Variants in SEC14L2 observed in about 807,000 individuals in gnomAD.
SEC14L2 encodes SEC14 like lipid binding 2.
SEC14L2 carries 50 observed loss-of-function variants against 56.9 expected under a neutral mutation model. The ratio of observed to expected loss-of-function variants is 0.88; its 90% CI spans 0.70 to 1.11. The LOEUF (loss-of-function observed/expected upper bound fraction) is 1.11. SEC14L2 is among the 50% of genes most tolerant of loss of function. The pLI is 0.00. For missense variants in SEC14L2, 414 were observed against 500.7 expected (o/e 0.83, Z 1.65); for synonymous variants, 179 against 188.5 (o/e 0.95, Z 0.41).
chr22:30,417,864 C>T (rs1934426978), intron 11 of SEC14L2, among the ~76,000 whole-genome samples: 4 of 151,952 alleles, frequency 2.6e-5, no homozygotes, highest in Non-Finnish European at 1.5e-5. Flanking sequence ...TCCTCACATC[C>T]CAGGCACCCT....
chr22:30,406,789 A>G (rs927653839), intron 3 of SEC14L2, among the ~76,000 whole-genome samples: 2 of 151,998 alleles, frequency 1.3e-5, no homozygotes, highest in African/African-American at 4.8e-5. Flanking sequence ...TCGCTCTGTC[A>G]CCCAGGCTGG....
chr22:30,401,940 G>C (rs952210656), intron 2 of SEC14L2, among the ~76,000 whole-genome samples: 3 of 152,038 alleles, frequency 2.0e-5, no homozygotes, highest in African/African-American at 7.2e-5. Context: ...CACACCCTAG[G>C]AGTCTTGGGG....
rs767791396 is a variant in SEC14L2 at position 30,416,360 on chromosome 22, G to T, written c.1038G>T (p.Leu346=). 1 of 1,614,206 alleles carries T rather than the reference G, an allele frequency of 6.2e-7. No individual in the cohort carries two copies. The highest frequency in any genetic ancestry group is 1.1e-5 in the South Asian group (1 of 91,088). ...CCAACCAGAGGTACAACTCCCACCT[G>T]GTCCCTGAAGATGGGACCCTCACCT... is the stretch of plus-strand genomic sequence containing the variant. ...VLPNQRYNSH[L]VPEDGTLTCS... is the part of the protein sequence containing the mutation. The change falls in exon 11 of 12, where the codon CTG becomes CTT. Residue 346 remains leucine, a synonymous_variant. Coordinates refer to ENST00000615189, the MANE Select transcript of SEC14L2 (RefSeq NM_012429.5).
At position 30,425,011 on chromosome 22, in the gene SEC14L2, A is replaced by G; in HGVS notation, c.*2604A>G. On this transcript the variant is annotated 3_prime_UTR_variant, in exon 12 of 12. Coordinates refer to ENST00000615189, the MANE Select transcript of SEC14L2 (RefSeq NM_012429.5). ...ATGGCGACTGCTGAGAAGGGACTCCAGAGTCCAGGCACCTACCTCCCAGGG... is the reference window on the plus strand; with the variant it reads ...ATGGCGACTGCTGAGAAGGGACTCCGGAGTCCAGGCACCTACCTCCCAGGG... 2.7e-6 allele frequency: 1 copy of G among 364,644 alleles called. No homozygotes were observed. The highest frequency in any genetic ancestry group is 2.0e-5 in the South Asian group (1 of 49,252). The allele number at this position is 364,644 out of a possible 1,614,324, so 22.6% of individuals were successfully genotyped here.
Position 30,405,886 on chromosome 22 carries a change from G to A in SEC14L2, c.131-456G>A, listed in dbSNP as rs569348212. 8.8e-4 allele frequency among the ~76,000 whole-genome samples: 134 copies of A among 152,034 alleles called. 1 individual carries two copies. Among genetic ancestry groups the A allele is most frequent in the African/African-American group, 3.1e-3 (130 of 41,482 alleles). On this transcript the variant is annotated intron_variant, in intron 2 of 11. Transcript: ENST00000615189. ...TTTTGTTTTGTTTTTTTGGAGAGACGAGGTCTCACTGTATTGCCCAGGCTG... is the reference window on the plus strand; with the variant it reads ...TTTTGTTTTGTTTTTTTGGAGAGACAAGGTCTCACTGTATTGCCCAGGCTG...
chr22:30,404,399 A>C (rs1161267909), intron 2 of SEC14L2, among the ~76,000 whole-genome samples: 1 of 152,194 alleles, frequency 6.6e-6, no homozygotes, highest in Non-Finnish European at 1.5e-5. Context: ...ACTGATTTTC[A>C]TAACGGCAGA....
chr22:30,411,742 C>CAAAATAAAAAAAAAAAA (rs1934254536), intron 8 of SEC14L2, among the ~76,000 whole-genome samples: 1 of 67,810 alleles, frequency 1.5e-5, no homozygotes, highest in Non-Finnish European at 2.5e-5. Context: ...GACTCCGTCT[C>CAAAATAAAAAAAAAAAA]AAAAAAAAAA....
intron 1 of SEC14L2, 109 bp downstream of exon 1, chr22:30,397,279 G>A (rs1045587752): frequency 2.8e-6 from 3 of 1,071,210 alleles, no homozygotes; most frequent in Non-Finnish European, 3.9e-6. Context: ...GTGGCGGGCG[G>A]CGGAGGGAAC....
chr22:30,410,652 A>G lies in SEC14L2; in HGVS notation c.637A>G (p.Thr213Ala). 2 of 1,614,122 alleles carry G rather than the reference A, an allele frequency of 1.2e-6. No individual in the cohort carries two copies. The highest frequency in any genetic ancestry group is 1.7e-6 in the Non-Finnish European group (2 of 1,179,998). ...NLIKPFLSEDTRKKIMVLGAN... is the reference protein window; with the variant it reads ...NLIKPFLSEDARKKIMVLGAN... ...CATCAAACCCTTCCTGAGTGAGGAC[A>G]CTCGTAAGAAGATCATGGTCCTGGG... Residue 213 changes from threonine (T) to alanine (A), a missense_variant, in exon 8 of 12, where the codon ACT (threonine) becomes GCT (alanine). By Grantham distance (58) the Thr-to-Ala change is moderately conservative. Coordinates refer to ENST00000615189, the MANE Select transcript of SEC14L2 (RefSeq NM_012429.5).
At chr22:30,403,403 G>C (rs1933995065) in intron 2 of SEC14L2, among the ~76,000 whole-genome samples, 1 of 152,212 alleles carries the variant, frequency 6.6e-6, no homozygotes, top group South Asian at 2.1e-4. Flanking sequence ...GCGGGTCTGA[G>C]TCTCTGCATT....
At position 30,409,209 on chromosome 22, in the gene SEC14L2, T is replaced by C. The variant is rs771123829; in HGVS notation, c.446T>C (p.Ile149Thr). ...CAGTTGGGGAGGAAGGTGGAGACCA[T>C]CACCATAATTTATGACTGCGAGGGG... is the stretch of plus-strand genomic sequence containing the variant. ...TTKLGRKVET[I>T]TIIYDCEGLG... Residue 149 changes from isoleucine (I) to threonine (T), a missense_variant, in exon 6 of 12, where the codon ATC becomes ACC. Transcript: ENST00000615189. 5 of 1,613,820 alleles carry C rather than the reference T, an allele frequency of 3.1e-6. No individual in the cohort carries two copies. The highest frequency in any genetic ancestry group is 4.2e-6 in the Non-Finnish European group (5 of 1,179,980).
Position 30,410,642 on chromosome 22 carries a change from G to A in SEC14L2, c.627G>A (p.Leu209=), listed in dbSNP as rs749351257. The change falls in exon 8 of 12, where the codon CTG becomes CTA. Residue 209 remains leucine, a synonymous_variant. Transcript: ENST00000615189. ...CCTATAACCTCATCAAACCCTTCCT[G>A]AGTGAGGACACTCGTAAGAAGATCA... ...PVAYNLIKPF[L]SEDTRKKIMV... The A allele has an allele frequency of 6.2e-7, 1 of 1,614,200 alleles. No individual in the cohort carries two copies. Among genetic ancestry groups the A allele is most frequent in the Admixed American group, 1.7e-5 (1 of 60,030 alleles).
At chr22:30,415,249 T>A (rs1338813517) in intron 8 of SEC14L2, among the ~76,000 whole-genome samples, 1 of 152,102 alleles carries the variant, frequency 6.6e-6, no homozygotes, top group African/African-American at 2.4e-5. Flanking sequence ...CTGGCCAACA[T>A]GGTGAAACCC....
intron 2 of SEC14L2, among the ~76,000 whole-genome samples, chr22:30,404,322 C>T (rs1334293377): frequency 6.6e-6 from 1 of 152,202 alleles, no homozygotes; most frequent in African/African-American, 2.4e-5. Context: ...CAGGACGTGT[C>T]CGGCACCTGT....
At chr22:30,411,625 A>T (rs1270295494) in intron 8 of SEC14L2, among the ~76,000 whole-genome samples, 1 of 151,088 alleles carries the variant, frequency 6.6e-6, no homozygotes, top group Non-Finnish European at 1.5e-5. Context: ...GTGCACCTGT[A>T]ATCCCAGCTA....
chr22:30,406,193 G>C lies in SEC14L2; in HGVS notation c.131-149G>C, dbSNP rs892895536. The stretch of plus-strand genomic sequence containing the variant: ...AGAAGTTCTCAGTAAAGGCTCTCAT[G>C]TTAGCTTCTGCTTGTAGGATGGTCT... On this transcript the variant is annotated intron_variant, in intron 2 of 11. Coordinates refer to ENST00000615189, the MANE Select transcript of SEC14L2 (RefSeq NM_012429.5). The C allele has an allele frequency of 4.4e-6, 3 of 684,288 alleles. No homozygotes were observed. In the African/African-American group the frequency reaches 5.4e-5, roughly 12 times the overall value. 42.4% of individuals were successfully genotyped at this position (684,288 alleles called of 1,614,324 possible).
chr22:30,416,884 A>G (rs1934404869), intron 11 of SEC14L2: 1 of 1,013,816 alleles, frequency 9.9e-7, no homozygotes, highest in Non-Finnish European at 1.2e-6. Flanking sequence ...GGCAGTTTAC[A>G]CAAGAATATA....
chr22:30,419,226 C>CTT (rs1329254054), intron 11 of SEC14L2, among the ~76,000 whole-genome samples: 6 of 152,160 alleles, frequency 3.9e-5, no homozygotes, highest in Admixed American at 1.3e-4. Context: ...GCAAGTGTCT[C>CTT]TATTAGGTTT....
chr22:30,425,085 C>T lies in SEC14L2; in HGVS notation c.*2678C>T. 1 of 260,454 alleles carries T rather than the reference C, an allele frequency of 3.8e-6. No individual in the cohort carries two copies. The highest frequency in any genetic ancestry group is 3.5e-5 in the South Asian group (1 of 28,562). The allele number at this position is 260,454 out of a possible 1,614,324, so 16.1% of individuals were successfully genotyped here. On this transcript the variant is annotated 3_prime_UTR_variant, in exon 12 of 12. Coordinates refer to ENST00000615189, the MANE Select transcript of SEC14L2 (RefSeq NM_012429.5). ...TCATTTAGAGCTCGCATTAAGAGCA[C>T]GGGATCTGGATCCACACTGTTTGGA...
Sources: allele counts gnomAD v4.1 joint callset (sites outside exome capture counted in the v4.1 genomes callset), GRCh38; gene constraint gnomAD v4.1.1; transcripts MANE v1.5; gene names NCBI Gene and HGNC (gene_info 2026-07-23, HGNC 2026-07-21).